The following HIPK4 variants were observed in gnomAD, a reference collection of about 807,000 sequenced individuals.
The protein encoded by HIPK4 is homeodomain interacting protein kinase 4.
Under a neutral mutation model 44.8 loss-of-function variants are expected in HIPK4, and 26 were observed. The observed-to-expected ratio is 0.58, with a 90% confidence interval of 0.43 to 0.80. The LOEUF (loss-of-function observed/expected upper bound fraction) is 0.80. Ranked by LOEUF, HIPK4 falls within the 30% of genes least tolerant of loss-of-function variation. The probability of loss-of-function intolerance (pLI) is 0.00; values close to 1 mark genes in which losing one functional copy is unlikely to be tolerated. For synonymous variants in HIPK4, 340 were observed against 355.5 expected (o/e 0.96, Z 0.49); for missense variants, 729 against 862.6 (o/e 0.85, Z 1.94).
chr19:40,380,760 T>TGCTGCCGGCCAC lies in HIPK4; in HGVS notation c.1219_1230dup (p.Val407_Ser410dup). On this transcript the variant is annotated inframe_insertion, in exon 3 of 4. Coordinates refer to ENST00000291823, the MANE Select transcript of HIPK4 (RefSeq NM_144685.5). The surrounding 1 kb of genome is among the most constrained non-coding windows in gnomAD (Gnocchi z 4.2). Reference sequence around the variant, plus strand: ...GCCTTCTCCTCTCGGAAGAAGGGGCTGCTGCCGGCCACACTGCCCATACCC... The same window carrying TGCTGCCGGCCAC: ...GCCTTCTCCTCTCGGAAGAAGGGGCTGCTGCCGGCCACGCTGCCGGCCACACTGCCCATACCC... 1 of 1,614,188 alleles carries TGCTGCCGGCCAC rather than the reference T, an allele frequency of 6.2e-7. No individual in the cohort carries two copies.
chr19:40,386,004 T>C (rs1265183881), intron 1 of HIPK4, among the ~76,000 whole-genome samples: 1 of 150,766 alleles, frequency 6.6e-6, no homozygotes, highest in African/African-American at 2.4e-5. Context: ...CGCACCCAGG[T>C]CCACCATTGC....
At chr19:40,384,323 G>C (rs2079352907) in intron 1 of HIPK4, among the ~76,000 whole-genome samples, 184 bp from the exon 2 acceptor site, 1 of 151,864 alleles carries the variant, frequency 6.6e-6, no homozygotes, top group Non-Finnish European at 1.5e-5. Context: ...GTTTGTTTGA[G>C]ACAGAGTCTC....
chr19:40,380,766 C>G lies in HIPK4; in HGVS notation c.1225G>C (p.Gly409Arg), dbSNP rs140678043. The change falls in exon 3 of 4, where the codon GGC becomes CGC. Residue 409 changes from glycine (G) to arginine (R), a missense_variant. Gly to Arg is a moderately radical substitution (Grantham distance 125, BLOSUM62 -2). This residue lies in a region of HIPK4 where 533 missense variants were observed against 567.5 expected (regional missense o/e 0.94). Coordinates refer to ENST00000291823, the MANE Select transcript of HIPK4 (RefSeq NM_144685.5). The surrounding 1 kb of genome is among the most constrained non-coding windows in gnomAD (Gnocchi z 4.2). ...KEAAGMGSVAGSSPFFREEKA... is the reference protein window; with the variant it reads ...KEAAGMGSVARSSPFFREEKA... Reference sequence around the variant, plus strand: ...TCCTCTCGGAAGAAGGGGCTGCTGCCGGCCACACTGCCCATACCCGCAGCC... The same window carrying G: ...TCCTCTCGGAAGAAGGGGCTGCTGCGGGCCACACTGCCCATACCCGCAGCC... 6.2e-7 allele frequency: 1 copy of G among 1,614,058 alleles called. No homozygotes were observed. The highest frequency in any genetic ancestry group is 1.3e-5 in the African/African-American group (1 of 74,946).
In HIPK4 at chr19:40,383,790, T is replaced by A. The variant is rs2079348963; in HGVS notation, c.815A>T (p.Glu272Val). ...QLKSSADYLA[E>V]TKVRPLERRK... Reference sequence around the variant, plus strand: ...ACCCAACTTTTCCCTTACCTTCGTCTCGGCCAGGTAGTCAGCCGAGGACTT... The same window carrying A: ...ACCCAACTTTTCCCTTACCTTCGTCACGGCCAGGTAGTCAGCCGAGGACTT... Residue 272 changes from glutamate to valine, a missense_variant, in exon 2 of 4, where the codon GAG (glutamate) becomes GTG (valine). Glu to Val is a moderately radical substitution (Grantham distance 121). Coordinates refer to ENST00000291823, the MANE Select transcript of HIPK4 (RefSeq NM_144685.5). The A allele has an allele frequency of 6.2e-7, 1 of 1,602,952 alleles. No homozygotes were observed. Among genetic ancestry groups the A allele is most frequent in the South Asian group, 1.1e-5 (1 of 90,664 alleles).
Position 40,389,819 on chromosome 19 carries a change from G to A in HIPK4, c.84C>T (p.Gly28=), listed in dbSNP as rs753672758. The change falls in exon 1 of 4, where the codon GGC becomes GGT. Residue 28 remains glycine, a synonymous_variant. Transcript: ENST00000291823. The surrounding 1 kb of genome is among the most constrained non-coding windows in gnomAD (Gnocchi z 4.6). ...CCATCTCGCCCGTGCTCCGCCGCCA[G>A]CCCTTGGCTACCTCCCCGAAGGTCC... ...GKGTFGEVAK[G]WRRSTGEMVA... is the part of the protein sequence containing the mutation. 1 of 1,614,038 alleles carries A rather than the reference G, an allele frequency of 6.2e-7. No homozygotes were observed. The highest frequency in any genetic ancestry group is 1.1e-5 in the South Asian group (1 of 91,080).
chr19:40,383,460 C>T (rs1369156429), intron 2 of HIPK4, among the ~76,000 whole-genome samples: 2 of 152,150 alleles, frequency 1.3e-5, no homozygotes, highest in Non-Finnish European at 2.9e-5. Context: ...CTCTGTCACC[C>T]AGGCTCAAGT....
In HIPK4 at chr19:40,379,748, C is replaced by A; in HGVS notation, c.1690G>T (p.Asp564Tyr). 2 of 1,611,840 alleles carry A rather than the reference C, an allele frequency of 1.2e-6. No individual in the cohort carries two copies. Among genetic ancestry groups the A allele is most frequent in the South Asian group, 1.1e-5 (1 of 90,808 alleles). The stretch of plus-strand genomic sequence containing the variant: ...CATTCTCCAGGACAGCTGCTGGGGT[C>A]GAAGAGCTCAGGGTCTGGCCTCTGT... ...EAERPDPELFDPSSCPGEWLS... is the reference protein window; with the variant it reads ...EAERPDPELFYPSSCPGEWLS... Residue 564 changes from aspartate to tyrosine, a missense_variant, in exon 4 of 4, where the codon GAC becomes TAC. Physicochemically the swap from Asp to Tyr is radical, Grantham distance 160 (BLOSUM62 -3). Around this residue, in one of 2 missense-constraint regions of HIPK4, gnomAD observed 533 missense variants for 567.5 expected, o/e 0.94. Transcript: ENST00000291823.
chr19:40,388,854 C>T (rs916289682), intron 1 of HIPK4, among the ~76,000 whole-genome samples: 1 of 152,174 alleles, frequency 6.6e-6, no homozygotes, highest in African/African-American at 2.4e-5. Context: ...TTGAGACCAG[C>T]CTGGGCAACA....
chr19:40,380,332 C>T lies in HIPK4; in HGVS notation c.1659G>A (p.Met553Ile). The T allele has an allele frequency of 1.2e-6, 2 of 1,612,934 alleles. No homozygotes were observed. Among genetic ancestry groups the T allele is most frequent in the Non-Finnish European group, 1.7e-6 (2 of 1,178,994 alleles). The change falls in exon 3 of 4, where the codon ATG (methionine) becomes ATA (isoleucine). Residue 553 changes from methionine to isoleucine, a missense_variant. Around this residue, in one of 2 missense-constraint regions of HIPK4, gnomAD observed 533 missense variants for 567.5 expected, o/e 0.94. Transcript: ENST00000291823. The surrounding 1 kb of genome is among the most constrained non-coding windows in gnomAD (Gnocchi z 4.2). Reference sequence around the variant, plus strand: ...AACGCACCCGGCTCACCTCAGCTTCCATGGTCATGTTGTCAATGTTGGGCC... The same window carrying T: ...AACGCACCCGGCTCACCTCAGCTTCTATGGTCATGTTGTCAATGTTGGGCC... ...EDGPNIDNMT[M>I]EAERPDPELF...
chr19:40,388,067 A>C (rs1279023381), intron 1 of HIPK4, among the ~76,000 whole-genome samples: 1 of 139,768 alleles, frequency 7.2e-6, no homozygotes, highest in Non-Finnish European at 1.5e-5. Context: ...CCCAGGCTGG[A>C]GTGCAGTGGC....
Position 40,380,842 on chromosome 19 carries a change from G to A in HIPK4, c.1149C>T (p.Val383=), listed in dbSNP as rs374222029. 8.7e-6 allele frequency: 14 copies of A among 1,610,138 alleles called. No homozygotes were observed. The highest frequency in any genetic ancestry group is 4.4e-5 in the South Asian group (4 of 91,052). Residue 383 remains valine, a synonymous_variant, in exon 3 of 4, where the codon GTC becomes GTT. Transcript: ENST00000291823. This position sits in a 1 kb window ranked among gnomAD's most constrained non-coding sequence, Gnocchi z 4.2. ...AGGGGGTCCCATCTTCTGCGGCCAC[G>A]ACGGGCGTGGGGGGCTTCCCCTCCA... ...LQVEGKPPTP[V]VAAEDGTPYY... is the part of the protein sequence containing the mutation.
Position 40,380,585 on chromosome 19 carries a change from G to A in HIPK4, c.1406C>T (p.Ser469Leu), listed in dbSNP as rs200430830. 70 of 1,612,916 alleles carry A rather than the reference G, an allele frequency of 4.3e-5. No homozygotes were observed. The Admixed American group carries it at 1.0e-3, about 23-fold the overall frequency. ...AAITGHHVPD[S>L]GPEPILAFYS... ...GAAGGCCAGGATGGGCTCAGGGCCC[G>A]AGTCGGGCACATGGTGGCCAGTGAT... The change falls in exon 3 of 4, where the codon TCG (serine) becomes TTG (leucine). Residue 469 changes from serine to leucine, a missense_variant. Physicochemically the swap from Ser to Leu is moderately radical, Grantham distance 145. Coordinates refer to ENST00000291823, the MANE Select transcript of HIPK4 (RefSeq NM_144685.5). This position sits in a 1 kb window ranked among gnomAD's most constrained non-coding sequence, Gnocchi z 4.2.
chr19:40,389,336 AAT>A lies in HIPK4; in HGVS notation c.465+100_465+101del. 1 of 517,846 alleles carries A rather than the reference AAT, an allele frequency of 1.9e-6. No individual in the cohort carries two copies. The highest frequency in any genetic ancestry group is 3.0e-6 in the Non-Finnish European group (1 of 336,344). 32.1% of individuals were successfully genotyped at this position (517,846 alleles called of 1,614,324 possible). ...GAAACTCCGTCTCAAAAATAATAAT[AAT>A]AATAATTTTAAAAAATTAAAAAAAA... On this transcript the variant is annotated intron_variant, in intron 1 of 3. Transcript: ENST00000291823. This position sits in a 1 kb window ranked among gnomAD's most constrained non-coding sequence, Gnocchi z 4.6.
chr19:40,387,168 G>A (rs11882248), intron 1 of HIPK4, among the ~76,000 whole-genome samples: 4,702 of 151,896 alleles, frequency 0.031, 252 homozygotes, highest in African/African-American at 0.11. Flanking sequence ...TGTACCTCTC[G>A]TTCTTTCTTT....
In HIPK4 at chr19:40,381,115, C is replaced by CT. The variant is rs1568694044; in HGVS notation, c.875dup (p.Thr293AspfsTer15). On this transcript the variant is annotated frameshift_variant, in exon 3 of 4. Transcript: ENST00000291823. LOFTEE classifies it high-confidence loss of function. ...TGGCCACACTGCCACCATTCACTGTCTCAATCTGGTCCAACGACTTGAGCA... is the reference window on the plus strand; with the variant it reads ...TGGCCACACTGCCACCATTCACTGTCTTCAATCTGGTCCAACGACTTGAGCA... 3.1e-6 allele frequency: 5 copies of CT among 1,609,298 alleles called. No homozygotes were observed. The highest frequency in any genetic ancestry group is 1.3e-5 in the African/African-American group (1 of 74,942).
chr19:40,386,484 G>T (rs574323170), intron 1 of HIPK4, among the ~76,000 whole-genome samples: 1 of 152,320 alleles, frequency 6.6e-6, no homozygotes, highest in African/African-American at 2.4e-5. Flanking sequence ...CTCCTGAGTA[G>T]CTGGGACCAC....
rs1162398046 is a variant in HIPK4, at chr19:40,389,803, C to T, written c.100G>A (p.Gly34Ser). ...EVAKGWRRST[G>S]EMVAIKILKN... The stretch of plus-strand genomic sequence containing the variant: ...AGGATCTTGATGGCCACCATCTCGC[C>T]CGTGCTCCGCCGCCAGCCCTTGGCT... The change falls in exon 1 of 4, where the codon GGC becomes AGC. Residue 34 changes from glycine to serine, a missense_variant. This residue lies in a region of HIPK4 where 196 missense variants were observed against 295.1 expected (regional missense o/e 0.66). Coordinates refer to ENST00000291823, the MANE Select transcript of HIPK4 (RefSeq NM_144685.5). This position sits in a 1 kb window ranked among gnomAD's most constrained non-coding sequence, Gnocchi z 4.6. 1 of 1,614,110 alleles carries T rather than the reference C, an allele frequency of 6.2e-7. No homozygotes were observed. Among genetic ancestry groups the T allele is most frequent in the East Asian group, 2.2e-5 (1 of 44,878 alleles).
Position 40,389,970 on chromosome 19 carries a change from C to G in HIPK4, c.-68G>C. The G allele has an allele frequency of 8.0e-7, 1 of 1,257,380 alleles. No individual in the cohort carries two copies. Among genetic ancestry groups the G allele is most frequent in the Non-Finnish European group, 1.1e-6 (1 of 902,176 alleles). The allele number at this position is 1,257,380 out of a possible 1,614,324, so 77.9% of individuals were successfully genotyped here. On this transcript the variant is annotated 5_prime_UTR_variant, in exon 1 of 4. Transcript: ENST00000291823. The surrounding 1 kb of genome is among the most constrained non-coding windows in gnomAD (Gnocchi z 4.6). ...CCACTGGCTCTGCCGCCCAGGCCTC[C>G]CGCCTGGCTGCTGACACAGCAGGCC...
At position 40,379,653 on chromosome 19, in the gene HIPK4, G is replaced by A; in HGVS notation, c.1785C>T (p.Arg595=). 6.5e-7 allele frequency: 1 copy of A among 1,546,786 alleles called. No individual in the cohort carries two copies. Among genetic ancestry groups the A allele is most frequent in the East Asian group, 2.5e-5 (1 of 40,616 alleles). The change falls in exon 4 of 4, where the codon CGC becomes CGT. Residue 595 remains arginine (R), a synonymous_variant. Transcript: ENST00000291823. Reference sequence around the variant, plus strand: ...CCCGGGGTGGACCATGCTGGTGGGAGCGGCGGGGTGGGAGCCCCTGAGCCC... The same window carrying A: ...CCCGGGGTGGACCATGCTGGTGGGAACGGCGGGGTGGGAGCCCCTGAGCCC... ...GPRAQGLPPR[R]SHQHGPPRGA... is the part of the protein sequence containing the mutation.
Sources: allele counts gnomAD v4.1 joint callset (sites outside exome capture counted in the v4.1 genomes callset), GRCh38; gene constraint gnomAD v4.1.1; regional missense constraint gnomAD v4.1.1; non-coding constraint Gnocchi (gnomAD v3.1); transcripts MANE v1.5; gene names NCBI Gene and HGNC (gene_info 2026-07-23, HGNC 2026-07-21).